PDE1C: variants seen among roughly 807,000 people sequenced by gnomAD.
The protein encoded by PDE1C is phosphodiesterase 1C.
A neutral mutation model predicts 93.1 loss-of-function variants in PDE1C; 62 were observed. The observed-to-expected ratio is 0.67, with a 90% CI of 0.54 to 0.82. The LOEUF (loss-of-function observed/expected upper bound fraction) is 0.82. PDE1C is among the 40% of genes least tolerant of loss of function. The pLI is 0.00. For synonymous variants in PDE1C, 325 were observed against 310.1 expected (o/e 1.05, Z -0.50); for missense variants, 742 against 884.6 (o/e 0.84, Z 2.04).
chr7:31,633,589 G>A, the PDE1C span, among the ~76,000 whole-genome samples: 2 of 152,196 alleles, frequency 1.3e-5, no homozygotes, highest in African/African-American at 4.8e-5. Flanking sequence ...ACCGCCCATT[G>A]TCCTGAAGTC....
At chr7:31,904,909 A>G (rs1407872464) in intron 2 of PDE1C, among the ~76,000 whole-genome samples, 1 of 152,134 alleles carries the variant, frequency 6.6e-6, no homozygotes. Flanking sequence ...TTATTCAACT[A>G]ATAAACATGG....
chr7:31,692,367 C>G, the PDE1C span: 1 of 1,192,900 alleles, frequency 8.4e-7, no homozygotes, highest in Non-Finnish European at 1.2e-6. Context: ...AATGAATAAA[C>G]AGAGCCATAC....
chr7:32,392,071 C>T (rs1784760465), intron 1 of PDE1C, among the ~76,000 whole-genome samples: 1 of 150,638 alleles, frequency 6.6e-6, no homozygotes, highest in Non-Finnish European at 1.5e-5. Flanking sequence ...ACAAAATTAG[C>T]AAAATTTAGT....
intron 2 of PDE1C, among the ~76,000 whole-genome samples, chr7:31,966,610 T>C (rs1330569781): frequency 1.3e-5 from 2 of 152,224 alleles, no homozygotes; most frequent in Non-Finnish European, 2.9e-5. Context: ...CAAGCAGACC[T>C]AATAGACATC....
chr7:31,886,049 G>C (rs767548979), intron 2 of PDE1C, among the ~76,000 whole-genome samples: 1 of 152,170 alleles, frequency 6.6e-6, no homozygotes, highest in Non-Finnish European at 1.5e-5. Context: ...AAGTACTGCT[G>C]TCTCAGAAAG....
At chr7:32,275,418 C>T (rs549607168) in intron 1 of PDE1C, among the ~76,000 whole-genome samples, 3 of 152,326 alleles carry the variant, frequency 2.0e-5, no homozygotes, top group African/African-American at 4.8e-5. Flanking sequence ...ACATCACCTG[C>T]ATAGTCACTC....
At chr7:32,166,707 T>G (rs975502685) in intron 3 of PDE1C, among the ~76,000 whole-genome samples, 4 of 152,206 alleles carry the variant, frequency 2.6e-5, no homozygotes, top group African/African-American at 9.6e-5. Flanking sequence ...TCTGGCATTA[T>G]TAGTAACTGA....
exon 1 of PDE1C, chr7:32,298,843 G>C (rs1048388106): frequency 2.8e-6 from 4 of 1,423,336 alleles, no homozygotes; most frequent in South Asian, 3.1e-5. Context: ...TCCCCCGGCC[G>C]CGCCGCGCTG....
chr7:31,954,135 G>A (rs1042750610), intron 2 of PDE1C, among the ~76,000 whole-genome samples: 1 of 152,230 alleles, frequency 6.6e-6, no homozygotes, highest in African/African-American at 2.4e-5. Flanking sequence ...GTGGGGACTT[G>A]TTGCTGGGAA....
intron 2 of PDE1C, among the ~76,000 whole-genome samples, chr7:32,207,771 T>C (rs1805700411): frequency 6.6e-6 from 1 of 152,174 alleles, no homozygotes; most frequent in Non-Finnish European, 1.5e-5. Flanking sequence ...AGTTGAGAAG[T>C]TCACACAAGA....
intron 9 of PDE1C, among the ~76,000 whole-genome samples, chr7:31,843,017 AT>A (rs1407328593): frequency 6.6e-6 from 1 of 151,910 alleles, no homozygotes; most frequent in Non-Finnish European, 1.5e-5. Flanking sequence ...ATGTTGTTTA[AT>A]TTTCAAATAT....
At chr7:32,201,633 T>C (rs1805019971) in intron 2 of PDE1C, among the ~76,000 whole-genome samples, 1 of 152,164 alleles carries the variant, frequency 6.6e-6, no homozygotes, top group Non-Finnish European at 1.5e-5. Context: ...GGAGTGGCTC[T>C]GATTCCTAAA....
intron 1 of PDE1C, among the ~76,000 whole-genome samples, chr7:32,304,910 A>G (rs548241411): frequency 6.6e-6 from 1 of 152,314 alleles, no homozygotes; most frequent in African/African-American, 2.4e-5. Flanking sequence ...TCACTAGCAT[A>G]CTAGGTCCCT....
the PDE1C span, chr7:31,643,144 C>T: frequency 4.3e-6 from 7 of 1,613,940 alleles, no homozygotes; most frequent in Middle Eastern, 4.9e-4. Context: ...AGTGCAAAGC[C>T]ACCACAATGA....
At chr7:32,298,086 G>A (rs919765639) in intron 1 of PDE1C, among the ~76,000 whole-genome samples, 2 of 116,864 alleles carry the variant, frequency 1.7e-5, no homozygotes, top group East Asian at 2.8e-4. Flanking sequence ...TGAATTCCCC[G>A]GTCTCTGTCT....
intron 3 of PDE1C, among the ~76,000 whole-genome samples, chr7:32,079,667 G>A (rs1434807341): frequency 6.6e-6 from 1 of 152,168 alleles, no homozygotes; most frequent in Admixed American, 6.5e-5. Context: ...TTCTCCACAC[G>A]GTTTCTCCTC....
At chr7:32,279,847 AC>A (rs1427792289) in intron 1 of PDE1C, among the ~76,000 whole-genome samples, 1 of 152,138 alleles carries the variant, frequency 6.6e-6, no homozygotes, top group Non-Finnish European at 1.5e-5. Flanking sequence ...AAGGGCAAAA[AC>A]CTAATTTCTT....
chr7:32,141,354 A>G (rs1467925752), intron 3 of PDE1C, among the ~76,000 whole-genome samples: 1 of 152,238 alleles, frequency 6.6e-6, no homozygotes, highest in Non-Finnish European at 1.5e-5. Context: ...TAAAAAAAGA[A>G]AAAAGAGCAT....
intron 1 of PDE1C, among the ~76,000 whole-genome samples, chr7:32,386,997 G>C (rs1276182777): frequency 6.6e-6 from 1 of 151,152 alleles, no homozygotes; most frequent in South Asian, 2.1e-4. Context: ...AAGGTCTCTG[G>C]TTTTCCTAGG....
Sources: allele counts gnomAD v4.1 joint callset (sites outside exome capture counted in the v4.1 genomes callset), GRCh38; gene constraint gnomAD v4.1.1; transcripts MANE v1.5; gene names NCBI Gene and HGNC (gene_info 2026-07-23, HGNC 2026-07-21).